Variants in RBFOX1 observed in about 807,000 individuals in gnomAD.
RBFOX1 encodes the protein RNA binding fox-1 homolog 1.
A neutral mutation model predicts 57.7 loss-of-function variants in RBFOX1; 8 were observed. The observed-to-expected ratio is 0.14, with a 90% CI of 0.08 to 0.25. The LOEUF is 0.25. RBFOX1 is among the 10% of genes least tolerant of loss of function. The pLI, the probability that RBFOX1 is intolerant of heterozygous loss-of-function variation, is 1.00. For missense variants in RBFOX1, 611 were observed against 548.5 expected (o/e 1.11, Z -1.14); for synonymous variants, 326 against 222.4 (o/e 1.47, Z -4.15).
At chr16:7,315,456 ACC>A (rs34625153) in intron 4 of RBFOX1, among the ~76,000 whole-genome samples, 1,926 of 123,792 alleles carry the variant, frequency 0.016, 65 homozygotes, top group African/African-American at 0.048. Flanking sequence ...ACTCTACCCT[ACC>A]CCCCCCCCCA....
At chr16:5,911,505 G>A (rs2152210566) in intron 4 of RBFOX1, among the ~76,000 whole-genome samples, 1 of 152,298 alleles carries the variant, frequency 6.6e-6, no homozygotes, top group Non-Finnish European at 1.5e-5. Context: ...AGAGAGCTCG[G>A]CTGTAAAAGA....
chr16:6,951,382 A>T (rs1018116017), intron 3 of RBFOX1, among the ~76,000 whole-genome samples: 2 of 152,168 alleles, frequency 1.3e-5, no homozygotes, highest in Non-Finnish European at 2.9e-5. Context: ...TCACCCTAGT[A>T]TAATGGCTTA....
At chr16:7,534,932 A>G (rs2081121319) in intron 5 of RBFOX1, among the ~76,000 whole-genome samples, 1 of 152,190 alleles carries the variant, frequency 6.6e-6, no homozygotes, top group Non-Finnish European at 1.5e-5. Context: ...CTGAGAATTC[A>G]GTGTCCTGAC....
intron 4 of RBFOX1, among the ~76,000 whole-genome samples, chr16:7,443,826 T>C (rs1161832698): frequency 2.0e-5 from 3 of 152,188 alleles, no homozygotes; most frequent in Non-Finnish European, 1.5e-5. Flanking sequence ...AGATGAACTA[T>C]TTTAAGACCT....
At chr16:6,497,210 CTG>C (rs1227675123) in intron 2 of RBFOX1, among the ~76,000 whole-genome samples, 3 of 152,180 alleles carry the variant, frequency 2.0e-5, no homozygotes, top group Non-Finnish European at 4.4e-5. Context: ...TGCTTAACCA[CTG>C]TGTTTTGTAA....
At position 7,557,862 on chromosome 16, in the gene RBFOX1, A is replaced by G. The variant is rs559174555; in HGVS notation, c.271-21915A>G. The stretch of plus-strand genomic sequence containing the variant: ...TTTCCATGGTGCAAATACTCCCATC[A>G]TGGCCATTGCAAGATACCAATGCCT... On this transcript the variant is annotated intron_variant, in intron 5 of 15. Coordinates refer to ENST00000550418, the MANE Select transcript of RBFOX1 (RefSeq NM_018723.4). Among the ~76,000 whole-genome samples, 4 of 152,118 alleles carry G rather than the reference A, an allele frequency of 2.6e-5. 1 individual carries two copies. The highest frequency in any genetic ancestry group is 7.2e-5 in the African/African-American group (3 of 41,478).
chr16:5,995,608 T>C (rs1224332335), intron 4 of RBFOX1, among the ~76,000 whole-genome samples: 1 of 152,244 alleles, frequency 6.6e-6, no homozygotes, highest in Non-Finnish European at 1.5e-5. Flanking sequence ...TTCAATTTTC[T>C]AAAATAGAAT....
chr16:5,456,766 C>T (rs1336107518), intron 1 of RBFOX1, among the ~76,000 whole-genome samples: 1 of 152,136 alleles, frequency 6.6e-6, no homozygotes, highest in Non-Finnish European at 1.5e-5. Flanking sequence ...TGAAGGGCAG[C>T]CCTGGTCATG....
chr16:5,544,453 A>C (rs540140791), intron 2 of RBFOX1, among the ~76,000 whole-genome samples: 2 of 152,334 alleles, frequency 1.3e-5, no homozygotes, highest in South Asian at 2.1e-4. Context: ...TCATTAGAGA[A>C]AAATAAAGTT....
intron 3 of RBFOX1, among the ~76,000 whole-genome samples, chr16:6,854,697 T>A (rs1044921559): frequency 6.9e-6 from 1 of 145,098 alleles, no homozygotes; most frequent in Non-Finnish European, 1.5e-5. Flanking sequence ...TGGGTTCAAG[T>A]CGTTCTCCTG....
At chr16:7,292,025 A>G (rs931230967) in intron 4 of RBFOX1, among the ~76,000 whole-genome samples, 2 of 141,382 alleles carry the variant, frequency 1.4e-5, no homozygotes, top group Non-Finnish European at 1.5e-5. Context: ...TGTATATATT[A>G]TATTATACAA....
At chr16:7,285,300 C>A (rs1345076583) in intron 4 of RBFOX1, among the ~76,000 whole-genome samples, 1 of 151,922 alleles carries the variant, frequency 6.6e-6, no homozygotes, top group Admixed American at 6.6e-5. Context: ...AATTAAAGTA[C>A]AGTGATCACA....
chr16:7,690,499 C>A (rs1046845646), intron 14 of RBFOX1, among the ~76,000 whole-genome samples: 2 of 152,054 alleles, frequency 1.3e-5, no homozygotes, highest in Non-Finnish European at 2.9e-5. Context: ...AACTAAGGAA[C>A]AGACCAGTTT....
At chr16:7,622,684 T>G (rs1286068279) in intron 10 of RBFOX1, among the ~76,000 whole-genome samples, 1 of 152,176 alleles carries the variant, frequency 6.6e-6, no homozygotes, top group Non-Finnish European at 1.5e-5. Flanking sequence ...AGGGATTATT[T>G]ACACTATAGA....
chr16:7,650,575 CTCTT>C (rs2064833445), intron 11 of RBFOX1, among the ~76,000 whole-genome samples: 1 of 152,156 alleles, frequency 6.6e-6, no homozygotes, highest in South Asian at 2.1e-4. Context: ...CCCTCTCTCT[CTCTT>C]GCCAAGCTTC....
chr16:6,566,298 C>G (rs2097265288), intron 2 of RBFOX1, among the ~76,000 whole-genome samples: 1 of 152,010 alleles, frequency 6.6e-6, no homozygotes, highest in South Asian at 2.1e-4. Context: ...ACAGCTATGC[C>G]TAATTGCACC....
intron 4 of RBFOX1, among the ~76,000 whole-genome samples, chr16:7,343,706 G>A (rs896796087): frequency 6.6e-6 from 1 of 152,234 alleles, no homozygotes; most frequent in East Asian, 1.9e-4. Flanking sequence ...AACAGGAGGT[G>A]GTATGGAGTA....
chr16:7,428,422 G>A (rs2098644077), intron 4 of RBFOX1, among the ~76,000 whole-genome samples: 2 of 146,726 alleles, frequency 1.4e-5, no homozygotes, highest in Non-Finnish European at 3.0e-5. Context: ...TGCCTCCTGG[G>A]TTCTAGTGAT....
In RBFOX1 at chr16:6,930,692, T is replaced by G. The variant is rs185085526; in HGVS notation, c.-15-121365T>G. The stretch of plus-strand genomic sequence containing the variant: ...CCCAAGTTGCTGGGATTACAGGTGT[T>G]AGCCCCTGTGCCTGGCCTAATTCCC... On this transcript the variant is annotated intron_variant, in intron 3 of 15. Transcript: ENST00000550418. Among the ~76,000 whole-genome samples, 271 of 152,294 alleles carry G rather than the reference T, an allele frequency of 1.8e-3. 2 individuals carry two copies. The highest frequency in any genetic ancestry group is 8.0e-3 in the Admixed American group (122 of 15,304).
Sources: gnomAD v4.1 joint callset for allele counts (sites outside exome capture counted in the v4.1 genomes callset) on GRCh38, gnomAD v4.1.1 for gene constraint, MANE v1.5 for transcripts, NCBI Gene and HGNC (gene_info 2026-07-23, HGNC 2026-07-21) for gene names.